The following ZXDC variants were observed in gnomAD, a reference collection of about 807,000 sequenced individuals.
ZXDC encodes the protein zinc finger protein ZXDC.
In ZXDC, 58 loss-of-function variants were observed where a neutral mutation model predicts 63.6. The observed-to-expected ratio is 0.91, with a 90% CI of 0.74 to 1.13. The LOEUF (loss-of-function observed/expected upper bound fraction) is 1.13. Among genes scored for constraint, ZXDC ranks in the 50% most tolerant of loss-of-function variants. The pLI, the probability that ZXDC is intolerant of heterozygous loss-of-function variation, is 0.00. For missense variants in ZXDC, 1,133 were observed against 1,148.9 expected (o/e 0.99, Z 0.20); for synonymous variants, 561 against 496.1 (o/e 1.13, Z -1.74).
intron 8 of ZXDC, chr3:126,440,180 A>T: frequency 1.0e-6 from 1 of 1,001,286 alleles, no homozygotes. Context: ...GGGCAGGTAG[A>T]GGGGCTCCTG....
At chr3:126,452,438 A>G in intron 7 of ZXDC, 1 of 985,306 alleles carries the variant, frequency 1.0e-6, no homozygotes, top group Non-Finnish European at 1.2e-6. Context: ...ACTCCTCCCC[A>G]CTGCTGTTGC....
chr3:126,441,660 G>T (rs1176472237), intron 8 of ZXDC, 105 bp downstream of exon 8: 1 of 1,437,142 alleles, frequency 7.0e-7, no homozygotes, highest in Non-Finnish European at 9.1e-7. Flanking sequence ...AGGCAGGCAG[G>T]GGGTGCTGCG....
chr3:126,470,071 T>G (rs1210644939), intron 4 of ZXDC, among the ~76,000 whole-genome samples: 1 of 152,046 alleles, frequency 6.6e-6, no homozygotes, highest in African/African-American at 2.4e-5. Context: ...AGAACTAGAG[T>G]AGGGCCAGCA....
intron 1 of ZXDC, among the ~76,000 whole-genome samples, chr3:126,474,081 T>C (rs1935082471): frequency 6.7e-6 from 1 of 149,142 alleles, no homozygotes; most frequent in African/African-American, 2.5e-5. Context: ...TTTTTTTTTT[T>C]TGAGACGGTG....
At chr3:126,453,989 A>G in intron 7 of ZXDC, 2 of 889,750 alleles carry the variant, frequency 2.2e-6, no homozygotes, top group Non-Finnish European at 2.7e-6. Context: ...ATATGTGTAC[A>G]TATAGGCATA....
At chr3:126,472,960 G>C (rs141222606) in intron 1 of ZXDC, among the ~76,000 whole-genome samples, 1 of 152,284 alleles carries the variant, frequency 6.6e-6, no homozygotes, top group African/African-American at 2.4e-5. Context: ...GCTCCAACAG[G>C]GTGGAAAACA....
intron 6 of ZXDC, 41 bp downstream of exon 6, chr3:126,461,494 A>G: frequency 6.4e-7 from 1 of 1,558,436 alleles, no homozygotes; most frequent in African/African-American, 1.4e-5. Flanking sequence ...AGTATGAGAG[A>G]AGTGACCTAT....
intron 7 of ZXDC, among the ~76,000 whole-genome samples, chr3:126,446,025 T>C (rs1933870909): frequency 1.3e-5 from 2 of 152,208 alleles, no homozygotes; most frequent in Non-Finnish European, 1.5e-5. Context: ...AAGGGCGCCA[T>C]GGCATCAAAT....
At chr3:126,441,657 C>T (rs1026006050) in intron 8 of ZXDC, 108 bp downstream of exon 8, 121 of 1,433,182 alleles carry the variant, frequency 8.4e-5, no homozygotes, top group Non-Finnish European at 2.7e-6. Flanking sequence ...GGCAGGCAGG[C>T]AGGGGGTGCT....
At chr3:126,444,381 A>T (rs968178203) in intron 7 of ZXDC, among the ~76,000 whole-genome samples, 2 of 152,034 alleles carry the variant, frequency 1.3e-5, no homozygotes. Flanking sequence ...AAATACAAAA[A>T]ATTAGCCAGT....
At chr3:126,445,474 A>G (rs1469948035) in intron 7 of ZXDC, among the ~76,000 whole-genome samples, 1 of 151,900 alleles carries the variant, frequency 6.6e-6, no homozygotes, top group Non-Finnish European at 1.5e-5. Context: ...CCCTGAAACC[A>G]GTATTTGGAA....
intron 3 of ZXDC, 22 bp downstream of exon 3, chr3:126,471,951 C>G (rs1420962890): frequency 1.4e-5 from 23 of 1,595,600 alleles, no homozygotes; most frequent in Non-Finnish European, 1.6e-5. Flanking sequence ...CCTGATAATG[C>G]AAACCAAAAT....
chr3:126,464,455 G>A (rs115203461), intron 5 of ZXDC, among the ~76,000 whole-genome samples: 4,971 of 152,254 alleles, frequency 0.033, 89 homozygotes, highest in South Asian at 0.051. Context: ...GGGTGTTCTC[G>A]AGTGCCTGTT....
intron 5 of ZXDC, among the ~76,000 whole-genome samples, chr3:126,462,589 C>G (rs1279800982): frequency 6.6e-6 from 1 of 152,224 alleles, no homozygotes; most frequent in Non-Finnish European, 1.5e-5. Flanking sequence ...GTCTTTCTGG[C>G]TTCAAAGCCT....
chr3:126,454,055 T>A, intron 7 of ZXDC: 1 of 732,482 alleles, frequency 1.4e-6, no homozygotes, highest in Non-Finnish European at 1.6e-6. Context: ...ACTACACATA[T>A]ATATATATAT....
Position 126,475,482 on chromosome 3 carries a change from G to A in ZXDC, c.384C>T (p.Ala128=), listed in dbSNP as rs1012090669. The change falls in exon 1 of 10, where the codon GCC becomes GCT. Residue 128 remains alanine, a synonymous_variant. Coordinates refer to ENST00000389709, the MANE Select transcript of ZXDC (RefSeq NM_025112.5). ...PPGPGVAPAG[A]VTISSQDLLV... ...GCAGGTCCTGGCTGCTGATGGTGAC[G>A]GCGCCCGCCGGGGCTACGCCAGGGC... 6.2e-5 allele frequency: 75 copies of A among 1,214,514 alleles called. No individual in the cohort carries two copies. Among genetic ancestry groups the A allele is most frequent in the Middle Eastern group, 6.4e-4 (2 of 3,138 alleles). The allele number at this position is 1,214,514 out of a possible 1,614,324, so 75.2% of individuals were successfully genotyped here.
rs373423803 is a variant in ZXDC at position 126,470,988 on chromosome 3, C to T, written c.1177G>A (p.Glu393Lys). ...DDDRRFTCPV[E>K]GCGKSFTRAE... Reference sequence around the variant, plus strand: ...CTGGTGAATGATTTCCCACAGCCCTCGACAGGGCAGGTAAACCTCCGGTCA... The same window carrying T: ...CTGGTGAATGATTTCCCACAGCCCTTGACAGGGCAGGTAAACCTCCGGTCA... The change falls in exon 4 of 10, where the codon GAG becomes AAG. Residue 393 changes from glutamate to lysine, a missense_variant. Glu to Lys is a moderately conservative substitution (Grantham distance 56, BLOSUM62 1). Transcript: ENST00000389709. The T allele has an allele frequency of 2.9e-5, 47 of 1,614,030 alleles. No individual in the cohort carries two copies. Among genetic ancestry groups the T allele is most frequent in the Middle Eastern group, 1.6e-4 (1 of 6,084 alleles).
At chr3:126,450,543 G>A (rs1042006112) in intron 7 of ZXDC, 1 of 456,332 alleles carries the variant, frequency 2.2e-6, no homozygotes, top group African/African-American at 2.0e-5. Context: ...ACATGCATGT[G>A]ACTAGAAATC....
chr3:126,445,664 A>T (rs1344519917), intron 7 of ZXDC, among the ~76,000 whole-genome samples: 1 of 151,830 alleles, frequency 6.6e-6, no homozygotes, highest in Non-Finnish European at 1.5e-5. Flanking sequence ...CTTCTCAGAG[A>T]GTCCGTTCCA....
Sources: allele counts gnomAD v4.1 joint callset (sites outside exome capture counted in the v4.1 genomes callset), GRCh38; gene constraint gnomAD v4.1.1; transcripts MANE v1.5; gene names NCBI Gene and HGNC (gene_info 2026-07-23, HGNC 2026-07-21).